HNRNPA1: variants seen among roughly 807,000 people sequenced by gnomAD.
HNRNPA1 encodes the protein heterogeneous nuclear ribonucleoprotein A1.
A neutral mutation model predicts 44.4 loss-of-function variants in HNRNPA1; 7 were observed. The ratio of observed to expected loss-of-function variants is 0.16; its 90% CI spans 0.09 to 0.30. The LOEUF (loss-of-function observed/expected upper bound fraction) is 0.30, where lower values mean the gene tolerates loss of function less well. HNRNPA1 is among the 10% of genes least tolerant of loss of function. The pLI is 1.00. For missense variants in HNRNPA1, 193 were observed against 465.8 expected, an observed-to-expected ratio of 0.41 and a Z score of 5.39; for synonymous variants, 169 against 160.6, an observed-to-expected ratio of 1.05 and a Z score of -0.40.
intron 6 of HNRNPA1, 52 bp from the exon 7 acceptor site, chr12:54,282,748 A>G (rs1010641783): frequency 6.3e-7 from 1 of 1,586,578 alleles, no homozygotes; most frequent in Non-Finnish European, 8.6e-7. Context: ...CTGCATTCAG[A>G]ATGTCACTTT....
chr12:54,283,747 T>G, intron 8 of HNRNPA1, 65 bp from the exon 9 acceptor site: 1 of 1,493,156 alleles, frequency 6.7e-7, no homozygotes, highest in Non-Finnish European at 9.3e-7. Context: ...TTCTGACTGC[T>G]AAACAGAATT....
At chr12:54,281,773 C>T in intron 2 of HNRNPA1, 22 bp from the exon 3 acceptor site, 1 of 1,600,680 alleles carries the variant, frequency 6.2e-7, no homozygotes, top group Non-Finnish European at 8.5e-7. Context: ...CTTTGTGTTA[C>T]ATAAATTAAC....
intron 1 of HNRNPA1, chr12:54,281,052 C>A (rs780033895): frequency 1.4e-6 from 1 of 706,834 alleles, no homozygotes; most frequent in Non-Finnish European, 2.6e-6. Flanking sequence ...TAGCAAAATT[C>A]TTAGGCACAC....
At chr12:54,283,271 CTAGAT>C (rs1565881207) in intron 8 of HNRNPA1, 37 bp downstream of exon 8, 1 of 1,601,318 alleles carries the variant, frequency 6.2e-7, no homozygotes, top group Admixed American at 1.7e-5. Flanking sequence ...GGTGTGACAG[CTAGAT>C]TAGCCTTTTA....
At position 54,281,388 on chromosome 12, in the gene HNRNPA1, T is replaced by G. The variant is rs755898648; in HGVS notation, c.18T>G (p.Ser6=). The G allele has an allele frequency of 6.4e-7, 1 of 1,566,356 alleles. No individual in the cohort carries two copies. Among genetic ancestry groups the G allele is most frequent in the Admixed American group, 1.8e-5 (1 of 55,970 alleles). Reference sequence around the variant, plus strand: ...ACTTCCCCCTCCCCCCACTCTAGTCTCCTAAAGAGCCCGAACAGCTGAGGA... The same window carrying G: ...ACTTCCCCCTCCCCCCACTCTAGTCGCCTAAAGAGCCCGAACAGCTGAGGA... MSKSE[S]PKEPEQLRKL... The change falls in exon 2 of 11, where the codon TCT becomes TCG. Residue 6 remains serine (S), a splice_region_variant and synonymous_variant. Coordinates refer to ENST00000340913, the MANE Select transcript of HNRNPA1 (RefSeq NM_031157.4).
chr12:54,284,801 A>T lies in HNRNPA1; in HGVS notation c.*257A>T, dbSNP rs1033619097. 6 of 293,336 alleles carry T rather than the reference A, an allele frequency of 2.0e-5. No individual in the cohort carries two copies. Among genetic ancestry groups the T allele is most frequent in the African/African-American group, 6.8e-5 (3 of 44,346 alleles). 18.2% of individuals were successfully genotyped at this position (293,336 alleles called of 1,614,324 possible). A position where few individuals can be genotyped will look rare whatever the true frequency, so the allele number is the denominator to read the frequency against. On this transcript the variant is annotated 3_prime_UTR_variant, in exon 11 of 11. Transcript: ENST00000340913. ...ATTCCAACAAAGGGTTTTAATGTAG[A>T]TTTTTTTTTTTGCACCCCATGCTGT...
At chr12:54,281,283 CAAT>C (rs2137040627) in intron 1 of HNRNPA1, 100 bp from the exon 2 acceptor site, 1 of 745,516 alleles carries the variant, frequency 1.3e-6, no homozygotes, top group African/African-American at 1.7e-5. Flanking sequence ...CCTGAACGAA[CAAT>C]AAGTGCTAGG....
intron 2 of HNRNPA1, 106 bp downstream of exon 2, chr12:54,281,608 G>C: frequency 2.0e-6 from 2 of 1,011,976 alleles, no homozygotes; most frequent in East Asian, 2.4e-5. Context: ...ATTATAGTTA[G>C]AGCTTTGTTG....
At position 54,282,565 on chromosome 12, in the gene HNRNPA1, G is replaced by A; in HGVS notation, c.584-8G>A. On this transcript the variant is annotated splice_polypyrimidine_tract_variant and splice_region_variant and intron_variant, in intron 5 of 10. Coordinates refer to ENST00000340913, the MANE Select transcript of HNRNPA1 (RefSeq NM_031157.4). ...GAATGATTTAATGCTTAAACTTCAT[G>A]TCTTAAGGTCGAAGTGGTTCTGGAA... 1 of 1,613,550 alleles carries A rather than the reference G, an allele frequency of 6.2e-7. No individual in the cohort carries two copies. The highest frequency in any genetic ancestry group is 8.5e-7 in the Non-Finnish European group (1 of 1,179,566).
At chr12:54,281,998 G>A (rs1944180613) in intron 3 of HNRNPA1, 57 bp downstream of exon 3, 1 of 1,603,376 alleles carries the variant, frequency 6.2e-7, no homozygotes, top group South Asian at 1.1e-5. Flanking sequence ...TGCTGCTATG[G>A]ACTTAAGATT....
chr12:54,281,531 AAC>A (rs1443150846), intron 2 of HNRNPA1, 29 bp downstream of exon 2: 1 of 1,475,004 alleles, frequency 6.8e-7, no homozygotes, highest in Non-Finnish European at 9.4e-7. Flanking sequence ...AAAGCAGTAA[AAC>A]AGCCGATTTC....
rs1326990459 is a variant in HNRNPA1, at chr12:54,286,566, G to A, written c.*2022G>A. ...AAGTAATAGACTTCCCCAAATGGTG[G>A]GGGGATGGGTGGGTTATTAATGGGA... is the stretch of plus-strand genomic sequence containing the variant. On this transcript the variant is annotated 3_prime_UTR_variant, in exon 11 of 11. Coordinates refer to ENST00000340913, the MANE Select transcript of HNRNPA1 (RefSeq NM_031157.4). 1 of 152,064 alleles carries A rather than the reference G, an allele frequency of 6.6e-6. No homozygotes were observed. The highest frequency in any genetic ancestry group is 1.5e-5 in the Non-Finnish European group (1 of 67,988). The allele number at this position is 152,064 out of a possible 1,614,324, so 9.4% of individuals were successfully genotyped here.
At chr12:54,282,537 T>A in intron 5 of HNRNPA1, 36 bp from the exon 6 acceptor site, 4 of 1,609,260 alleles carry the variant, frequency 2.5e-6, no homozygotes, top group Non-Finnish European at 3.4e-6. Context: ...GTTACTCCAG[T>A]ATGAATGATT....
rs1944191651 is a variant in HNRNPA1, at chr12:54,282,583, T to G, written c.594T>G (p.Gly198=). ...ACTTCATGTCTTAAGGTCGAAGTGG[T>G]TCTGGAAACTTTGGTGGTGGTCGTG... ...SASSSQRGRS[G]SGNFGGGRGG... The change falls in exon 6 of 11, where the codon GGT becomes GGG. Residue 198 remains glycine (G), a synonymous_variant. Transcript: ENST00000340913. 3 of 1,613,896 alleles carry G rather than the reference T, an allele frequency of 1.9e-6. No individual in the cohort carries two copies. Among genetic ancestry groups the G allele is most frequent in the Admixed American group, 1.7e-5 (1 of 59,984 alleles).
intron 1 of HNRNPA1, 154 bp from the exon 2 acceptor site, chr12:54,281,232 A>G: frequency 1.4e-6 from 1 of 716,278 alleles, no homozygotes; most frequent in Non-Finnish European, 2.6e-6. Flanking sequence ...ACTCCAGCAT[A>G]CGGCCTCCCT....
chr12:54,281,763 C>G (rs760610042), intron 2 of HNRNPA1, 32 bp from the exon 3 acceptor site: 2 of 1,595,628 alleles, frequency 1.3e-6, no homozygotes, highest in Non-Finnish European at 1.7e-6. Flanking sequence ...TGCGGTCAGA[C>G]TTTGTGTTAC....
chr12:54,282,673 TG>T lies in HNRNPA1; in HGVS notation c.676+10del, dbSNP rs1944193843. ...GAAACTTCAGTGGTCGTGGTATGTA[TG>T]GTTTATCTACATGTAGTTCTGACTT... On this transcript the variant is annotated intron_variant, in intron 6 of 10. Transcript: ENST00000340913. The T allele has an allele frequency of 6.2e-7, 1 of 1,610,360 alleles. No homozygotes were observed. Among genetic ancestry groups the T allele is most frequent in the South Asian group, 1.1e-5 (1 of 91,008 alleles).
At chr12:54,282,986 C>G in intron 7 of HNRNPA1, 93 bp from the exon 8 acceptor site, 1 of 1,497,884 alleles carries the variant, frequency 6.7e-7, no homozygotes, top group Non-Finnish European at 9.1e-7. Context: ...GCCCATAACA[C>G]GCATGCTGTG....
At chr12:54,282,987 G>A (rs1210172667) in intron 7 of HNRNPA1, 92 bp from the exon 8 acceptor site, 6 of 1,505,594 alleles carry the variant, frequency 4.0e-6, no homozygotes, top group Admixed American at 2.0e-5. Context: ...CCCATAACAC[G>A]CATGCTGTGA....
Sources: gnomAD v4.1 joint callset for allele counts on GRCh38, gnomAD v4.1.1 for gene constraint, MANE v1.5 for transcripts, NCBI Gene and HGNC (gene_info 2026-07-23, HGNC 2026-07-21) for gene names.